Variants in MBOAT1 observed in about 807,000 individuals in gnomAD.
The protein encoded by MBOAT1 is membrane-bound glycerophospholipid O-acyltransferase 1.
Under a neutral mutation model 64.4 loss-of-function variants are expected in MBOAT1, and 67 were observed. The observed-to-expected ratio is 1.04, with a 90% CI of 0.85 to 1.27. The LOEUF is 1.27. MBOAT1 is among the 50% of genes most tolerant of loss of function. The probability of loss-of-function intolerance (pLI) is 0.00; values close to 1 mark genes in which losing one functional copy is unlikely to be tolerated. For synonymous variants in MBOAT1, 229 were observed against 218.9 expected, an observed-to-expected ratio of 1.05 and a Z score of -0.41; for missense variants, 563 against 604.6, an observed-to-expected ratio of 0.93 and a Z score of 0.72.
intron 8 of MBOAT1, among the ~76,000 whole-genome samples, chr6:20,120,422 C>T (rs1387799931): frequency 6.6e-6 from 1 of 152,018 alleles, no homozygotes; most frequent in Admixed American, 6.5e-5. Context: ...GATCATGTAA[C>T]CGCTGGGATG....
intron 1 of MBOAT1, among the ~76,000 whole-genome samples, chr6:20,206,835 G>A (rs576308231): frequency 1.3e-5 from 2 of 152,098 alleles, no homozygotes; most frequent in South Asian, 4.2e-4. Flanking sequence ...CGCACACCCC[G>A]ATTTTCATCA....
At chr6:20,102,460 T>G in intron 12 of MBOAT1, 48 bp from the exon 13 acceptor site, 1 of 1,500,694 alleles carries the variant, frequency 6.7e-7, no homozygotes, top group South Asian at 1.2e-5. Flanking sequence ...AGGATGTAGA[T>G]GGGAAACACC....
intron 1 of MBOAT1, among the ~76,000 whole-genome samples, chr6:20,185,008 G>T (rs1286729849): frequency 6.6e-6 from 1 of 151,836 alleles, no homozygotes; most frequent in African/African-American, 2.4e-5. Context: ...TCAGCACTTT[G>T]GGAGGCTGAG....
At chr6:20,159,212 CAGA>C (rs1191785468) in intron 1 of MBOAT1, among the ~76,000 whole-genome samples, 1 of 152,070 alleles carries the variant, frequency 6.6e-6, no homozygotes, top group Non-Finnish European at 1.5e-5. Flanking sequence ...GGCCACACAG[CAGA>C]AGGTGAGTGG....
intron 1 of MBOAT1, among the ~76,000 whole-genome samples, chr6:20,203,224 G>A (rs6456303): frequency 0.21 from 31,523 of 152,010 alleles, 4,476 homozygotes; most frequent in African/African-American, 0.41. Context: ...GGCATCTTTC[G>A]TATGTATGAC....
rs575639565 is a variant in MBOAT1, at chr6:20,143,659, G to A, written c.419+561C>T. 8.0e-4 allele frequency among the ~76,000 whole-genome samples: 121 copies of A among 152,164 alleles called. 1 individual carries two copies. The highest frequency in any genetic ancestry group is 6.8e-3 in the Middle Eastern group (2 of 294). ...AGGAAGAATAACCAATGGGTACTAG[G>A]CTTAATACCTGGGTGACGAAATAAT... On this transcript the variant is annotated intron_variant, in intron 4 of 12. Coordinates refer to ENST00000324607, the MANE Select transcript of MBOAT1 (RefSeq NM_001080480.3).
intron 4 of MBOAT1, among the ~76,000 whole-genome samples, chr6:20,140,993 A>G (rs1761152174): frequency 6.6e-6 from 1 of 152,136 alleles, no homozygotes; most frequent in Admixed American, 6.6e-5. Context: ...CCAACCCTTG[A>G]GAGCCAGGCA....
intron 1 of MBOAT1, among the ~76,000 whole-genome samples, chr6:20,155,066 A>T (rs1162936267): frequency 6.6e-6 from 1 of 152,222 alleles, no homozygotes; most frequent in African/African-American, 2.4e-5. Context: ...CTACAGGGAA[A>T]TTTCCTGCAT....
At chr6:20,110,204 C>T (rs556106571) in intron 11 of MBOAT1, among the ~76,000 whole-genome samples, 7 of 138,118 alleles carry the variant, frequency 5.1e-5, no homozygotes, top group Non-Finnish European at 7.8e-5. Context: ...CCACCGCGCC[C>T]GGCCCAGGAC....
chr6:20,136,040 A>G (rs1760980991), intron 4 of MBOAT1, among the ~76,000 whole-genome samples: 1 of 151,632 alleles, frequency 6.6e-6, no homozygotes, highest in Admixed American at 6.6e-5. Flanking sequence ...CCCTCCCCAC[A>G]CTCCCTGAAT....
intron 1 of MBOAT1, among the ~76,000 whole-genome samples, chr6:20,160,244 G>A (rs1220979062): frequency 6.6e-6 from 1 of 152,156 alleles, no homozygotes; most frequent in Non-Finnish European, 1.5e-5. Context: ...TCTGTTCCAT[G>A]GCCTTCATAC....
At chr6:20,166,189 T>C (rs2113716757) in intron 1 of MBOAT1, among the ~76,000 whole-genome samples, 1 of 152,234 alleles carries the variant, frequency 6.6e-6, no homozygotes, top group African/African-American at 2.4e-5. Flanking sequence ...ACACTGTAAC[T>C]TGTTTTTCAT....
intron 10 of MBOAT1, 141 bp from the exon 11 acceptor site, chr6:20,113,149 G>T: frequency 2.0e-6 from 2 of 1,014,212 alleles, no homozygotes; most frequent in Non-Finnish European, 2.8e-6. Flanking sequence ...TCGGGGACTT[G>T]CAGTGCAATC....
At chr6:20,211,574 C>CA (rs1215900856) in intron 1 of MBOAT1, among the ~76,000 whole-genome samples, 2 of 152,174 alleles carry the variant, frequency 1.3e-5, no homozygotes, top group Non-Finnish European at 2.9e-5. Context: ...GCTCCAGCCC[C>CA]AGGCATATGA....
In MBOAT1 at chr6:20,124,498, C is replaced by T. The variant is rs770363147; in HGVS notation, c.817G>A (p.Val273Ile). The stretch of plus-strand genomic sequence containing the variant: ...CGAGCCGGAAAGCTTGCTTTATGGA[C>T]AAACCAGTCATCCACAAGGCAGGTG... ...PVTCLVDDWF[V>I]HKASFPARLC... The change falls in exon 8 of 13, where the codon GTC becomes ATC. Residue 273 changes from valine to isoleucine, a missense_variant. Transcript: ENST00000324607. 4 of 1,614,132 alleles carry T rather than the reference C, an allele frequency of 2.5e-6. No individual in the cohort carries two copies. The Admixed American group carries it at 6.7e-5, about 27-fold the overall frequency.
intron 11 of MBOAT1, among the ~76,000 whole-genome samples, chr6:20,111,605 G>A (rs948471534): frequency 6.6e-6 from 1 of 151,814 alleles, no homozygotes; most frequent in African/African-American, 2.4e-5. Flanking sequence ...TAATACTCTG[G>A]ATATGTTAGC....
At chr6:20,138,461 G>C (rs1386454290) in intron 4 of MBOAT1, among the ~76,000 whole-genome samples, 1 of 152,194 alleles carries the variant, frequency 6.6e-6, no homozygotes, top group Non-Finnish European at 1.5e-5. Flanking sequence ...AAGTGAGGTT[G>C]ACAGGAACTG....
At position 20,102,311 on chromosome 6, in the gene MBOAT1, G is replaced by A. The variant is rs748170285; in HGVS notation, c.1463C>T (p.Ser488Phe). The A allele has an allele frequency of 6.2e-7, 1 of 1,613,888 alleles. No individual in the cohort carries two copies. Among genetic ancestry groups the A allele is most frequent in the South Asian group, 1.1e-5 (1 of 91,048 alleles). Residue 488 changes from serine (S) to phenylalanine (F), a missense_variant, in exon 13 of 13, where the codon TCT becomes TTT. By Grantham distance (155) the Ser-to-Phe change is radical (BLOSUM62 -2). Transcript: ENST00000324607. ...HTQRRPQTLNSINKRKTD is the reference protein window; with the variant it reads ...HTQRRPQTLNFINKRKTD ...TCAATCTGTTTTTCTCTTATTAATA[G>A]AGTTCAGAGTCTGAGGCCGCCTTTG...
intron 1 of MBOAT1, among the ~76,000 whole-genome samples, chr6:20,163,210 T>A (rs1181978467): frequency 6.6e-6 from 1 of 152,124 alleles, no homozygotes; most frequent in Admixed American, 6.6e-5. Context: ...CTTATAATCC[T>A]TGGCCCAGCA....
Sources: allele counts gnomAD v4.1 joint callset (sites outside exome capture counted in the v4.1 genomes callset), GRCh38; gene constraint gnomAD v4.1.1; transcripts MANE v1.5; gene names NCBI Gene and HGNC (gene_info 2026-07-23, HGNC 2026-07-21).